The following UGGT2 variants were observed in gnomAD, a reference collection of about 807,000 sequenced individuals.
UGGT2 encodes UDP-glucose glycoprotein glucosyltransferase 2, also known as UDP-glucose:glycoprotein glucosyltransferase 2.
UGGT2 carries 180 observed loss-of-function variants against 192.1 expected under a neutral mutation model. That is an observed-to-expected ratio of 0.94 (90% confidence interval 0.83 to 1.06). The LOEUF (loss-of-function observed/expected upper bound fraction) is 1.06, where lower values mean the gene tolerates loss of function less well. Among genes scored for constraint, UGGT2 ranks in the 50% least tolerant of loss-of-function variants. The probability of loss-of-function intolerance (pLI) is 0.00; values close to 1 mark genes in which losing one functional copy is unlikely to be tolerated. For missense variants in UGGT2, 1,849 were observed against 1,795.7 expected (o/e 1.03, Z -0.54); for synonymous variants, 580 against 591.0 (o/e 0.98, Z 0.27).
chr13:95,993,031 A>G (rs961702760), intron 7 of UGGT2, among the ~76,000 whole-genome samples: 2 of 152,232 alleles, frequency 1.3e-5, no homozygotes, highest in African/African-American at 2.4e-5. Flanking sequence ...GGTGCCATCA[A>G]TGGCAAACTG....
intron 20 of UGGT2, among the ~76,000 whole-genome samples, chr13:95,920,814 G>C (rs1186339952): frequency 6.6e-6 from 1 of 152,164 alleles, no homozygotes; most frequent in Non-Finnish European, 1.5e-5. Flanking sequence ...ATTACCATTT[G>C]ACCCAGCAAT....
chr13:96,023,287 A>C, intron 3 of UGGT2, 135 bp from the exon 4 acceptor site: 1 of 650,306 alleles, frequency 1.5e-6, no homozygotes, highest in Non-Finnish European at 2.3e-6. Flanking sequence ...GTAAAAAAAC[A>C]TCTATACGTA....
In UGGT2 at chr13:95,801,653, T is replaced by C. The variant is rs553791070; in HGVS notation, c.*137A>G. On this transcript the variant is annotated 3_prime_UTR_variant, in exon 39 of 39. Transcript: ENST00000376747. ...ACATTAAATAACTGTTTTAAATAAT[T>C]ACAATTTTTTAAAATTAAAGAATAT... 1 of 776,070 alleles carries C rather than the reference T, an allele frequency of 1.3e-6. No homozygotes were observed. Among genetic ancestry groups the C allele is most frequent in the Non-Finnish European group, 2.0e-6 (1 of 498,092 alleles). The allele number at this position is 776,070 out of a possible 1,614,324, so 48.1% of individuals were successfully genotyped here.
At chr13:96,033,688 G>A (rs1297674239) in intron 1 of UGGT2, among the ~76,000 whole-genome samples, 1 of 152,194 alleles carries the variant, frequency 6.6e-6, no homozygotes, top group African/African-American at 2.4e-5. Flanking sequence ...AGTTGCACCT[G>A]AGCCTAGAAG....
rs1321490216 is a variant in UGGT2, at chr13:95,964,471, A to G, written c.1335+5641T>C. On this transcript the variant is annotated intron_variant, in intron 12 of 38. Coordinates refer to ENST00000376747, the MANE Select transcript of UGGT2 (RefSeq NM_020121.4). ...ACAGAAGTAAAAATAGACAAATGGGAAAAACCTTCTGCACAGCAAAGGAAA... is the reference window on the plus strand; with the variant it reads ...ACAGAAGTAAAAATAGACAAATGGGGAAAACCTTCTGCACAGCAAAGGAAA... Among the ~76,000 whole-genome samples the G allele has an allele frequency of 2.0e-5, 3 of 152,208 alleles. No homozygotes were observed. In the South Asian group the frequency reaches 6.2e-4, roughly 32 times the overall value.
chr13:96,033,721 A>G (rs1321322122), intron 1 of UGGT2, among the ~76,000 whole-genome samples: 3 of 152,174 alleles, frequency 2.0e-5, no homozygotes, highest in African/African-American at 7.2e-5. Flanking sequence ...GGCTGGTTGT[A>G]CATGTTTGGG....
At chr13:95,938,289 A>G (rs1279628735) in intron 16 of UGGT2, among the ~76,000 whole-genome samples, 1 of 152,228 alleles carries the variant, frequency 6.6e-6, no homozygotes, top group Non-Finnish European at 1.5e-5. Flanking sequence ...GGGTGTAGGC[A>G]GAGGCCAGAT....
At position 95,895,243 on chromosome 13, in the gene UGGT2, G is replaced by A. The variant is rs754940718; in HGVS notation, c.2696C>T (p.Thr899Ile). ...AEDFYLLEKI[T>I]FSNLGEKIKG... Reference sequence around the variant, plus strand: ...AATTTTCTCTCCTAAATTACTAAATGTTATCTTTTCCAACAAGTAAAAATC... The same window carrying A: ...AATTTTCTCTCCTAAATTACTAAATATTATCTTTTCCAACAAGTAAAAATC... Residue 899 changes from threonine to isoleucine, a missense_variant, in exon 23 of 39, where the codon ACA becomes ATA. Transcript: ENST00000376747. The A allele has an allele frequency of 7.6e-6, 12 of 1,570,438 alleles. No homozygotes were observed. The highest frequency in any genetic ancestry group is 1.0e-5 in the Non-Finnish European group (12 of 1,160,088).
chr13:96,048,402 C>T (rs535306729), intron 1 of UGGT2, among the ~76,000 whole-genome samples: 8 of 152,216 alleles, frequency 5.3e-5, no homozygotes, highest in African/African-American at 1.9e-4. Flanking sequence ...AAAATTGACA[C>T]CCTAACATCA....
chr13:95,884,053 G>A (rs1386798196), intron 27 of UGGT2, among the ~76,000 whole-genome samples: 3 of 114,838 alleles, frequency 2.6e-5, no homozygotes, highest in African/African-American at 1.0e-4. Flanking sequence ...CTCTGGCTAT[G>A]AGCTGTGAGG....
intron 20 of UGGT2, among the ~76,000 whole-genome samples, chr13:95,917,077 A>T (rs1244297179): frequency 6.6e-6 from 1 of 152,138 alleles, no homozygotes. Context: ...GAAAAGATCA[A>T]CCACAAGACA....
intron 38 of UGGT2, among the ~76,000 whole-genome samples, chr13:95,822,911 A>G (rs1164949680): frequency 6.6e-6 from 1 of 151,838 alleles, no homozygotes; most frequent in Non-Finnish European, 1.5e-5. Context: ...AGACTTTCTG[A>G]TGTAGGCATT....
chr13:96,013,961 T>C (rs2052246534), intron 4 of UGGT2, among the ~76,000 whole-genome samples: 1 of 152,160 alleles, frequency 6.6e-6, no homozygotes, highest in African/African-American at 2.4e-5. Flanking sequence ...AGCATTATCA[T>C]CAGAAACAGA....
intron 7 of UGGT2, among the ~76,000 whole-genome samples, chr13:95,993,557 T>C (rs2051522580): frequency 6.6e-6 from 1 of 152,220 alleles, no homozygotes; most frequent in Non-Finnish European, 1.5e-5. Context: ...AATGTATTGT[T>C]AGCTGCTAAA....
chr13:95,935,883 G>A (rs1237335164), intron 17 of UGGT2, among the ~76,000 whole-genome samples: 1 of 152,174 alleles, frequency 6.6e-6, no homozygotes, highest in Non-Finnish European at 1.5e-5. Context: ...CTAGAGTGCA[G>A]TGGCATGATC....
At chr13:95,939,831 G>A in intron 16 of UGGT2, 126 bp downstream of exon 16, 1 of 725,342 alleles carries the variant, frequency 1.4e-6, no homozygotes, top group Non-Finnish European at 2.1e-6. Flanking sequence ...CCAGCCTCTG[G>A]TAACCCCCAT....
intron 5 of UGGT2, among the ~76,000 whole-genome samples, chr13:96,006,538 C>T (rs1301015587): frequency 2.0e-5 from 3 of 147,952 alleles, no homozygotes; most frequent in African/African-American, 5.0e-5. Context: ...GCAAGAGAAT[C>T]GCTTGAACCC....
intron 38 of UGGT2, among the ~76,000 whole-genome samples, chr13:95,810,819 A>T (rs1302127692): frequency 6.6e-6 from 1 of 152,240 alleles, no homozygotes; most frequent in Non-Finnish European, 1.5e-5. Context: ...CAAGAAAATG[A>T]AAAGACAACC....
At chr13:95,854,508 C>G in intron 34 of UGGT2, 33 bp from the exon 35 acceptor site, 1 of 1,535,470 alleles carries the variant, frequency 6.5e-7, no homozygotes, top group Admixed American at 2.1e-5. Flanking sequence ...CTGATAAAGA[C>G]TGTAAAATAA....
Sources: gnomAD v4.1 joint callset for allele counts (sites outside exome capture counted in the v4.1 genomes callset) on GRCh38, gnomAD v4.1.1 for gene constraint, MANE v1.5 for transcripts, NCBI Gene and HGNC (gene_info 2026-07-23, HGNC 2026-07-21) for gene names.